SRGAP1: variants seen among roughly 807,000 people sequenced by gnomAD.
SRGAP1 encodes SLIT-ROBO Rho GTPase-activating protein 1.
A neutral mutation model predicts 121.9 loss-of-function variants in SRGAP1; 43 were observed. The observed-to-expected ratio is 0.35, with a 90% CI of 0.28 to 0.46. The LOEUF is 0.46. SRGAP1 is among the 20% of genes least tolerant of loss of function. The pLI, the probability that SRGAP1 is intolerant of heterozygous loss-of-function variation, is 1.00. For missense variants in SRGAP1, 1,102 were observed against 1,350.9 expected (o/e 0.82, Z 2.89); for synonymous variants, 447 against 485.4 (o/e 0.92, Z 1.04).
intron 1 of SRGAP1, among the ~76,000 whole-genome samples, chr12:63,927,097 G>A (rs1322696578): frequency 2.0e-5 from 3 of 152,052 alleles, no homozygotes; most frequent in African/African-American, 7.3e-5. Context: ...TTATAGTAAT[G>A]GAGGGAGTCA....
At chr12:63,954,654 G>A (rs2032402638) in intron 1 of SRGAP1, among the ~76,000 whole-genome samples, 1 of 132,644 alleles carries the variant, frequency 7.5e-6, no homozygotes, top group East Asian at 2.1e-4. Context: ...CTCCAGCCTG[G>A]GGGACAGAGC....
chr12:63,854,473 T>G (rs767325762), intron 1 of SRGAP1, among the ~76,000 whole-genome samples: 5 of 152,162 alleles, frequency 3.3e-5, no homozygotes, highest in Non-Finnish European at 5.9e-5. Context: ...AAAGTAATCT[T>G]GGGGAGGGAA....
At chr12:63,966,816 C>T (rs565691127) in intron 1 of SRGAP1, among the ~76,000 whole-genome samples, 110 of 152,278 alleles carry the variant, frequency 7.2e-4, no homozygotes, top group African/African-American at 2.6e-3. Flanking sequence ...TAAATCGGCT[C>T]CCCTTCTGTA....
intron 1 of SRGAP1, among the ~76,000 whole-genome samples, chr12:63,940,162 A>G (rs1370054763): frequency 6.6e-6 from 1 of 151,822 alleles, no homozygotes; most frequent in Admixed American, 6.6e-5. Flanking sequence ...GGGTTTCACC[A>G]TGTTGGCCAG....
intron 4 of SRGAP1, among the ~76,000 whole-genome samples, chr12:64,020,783 C>G (rs2034524717): frequency 7.2e-6 from 1 of 138,408 alleles, no homozygotes; most frequent in African/African-American, 2.8e-5. Context: ...GTGGGGATTG[C>G]AGTGAGCCAA....
At chr12:64,032,078 C>G (rs887816524) in intron 4 of SRGAP1, among the ~76,000 whole-genome samples, 2 of 152,136 alleles carry the variant, frequency 1.3e-5, no homozygotes, top group African/African-American at 4.8e-5. Context: ...GTTCTTTGTC[C>G]CATGGCCATG....
intron 1 of SRGAP1, among the ~76,000 whole-genome samples, chr12:63,980,379 A>G (rs12824123): frequency 6.6e-6 from 1 of 152,210 alleles, no homozygotes; most frequent in African/African-American, 2.4e-5. Flanking sequence ...AGCAGCAGAC[A>G]CAAATTTATG....
chr12:64,047,581 A>G (rs1040895611), intron 6 of SRGAP1, among the ~76,000 whole-genome samples: 9 of 152,216 alleles, frequency 5.9e-5, no homozygotes, highest in African/African-American at 2.2e-4. Flanking sequence ...ATCTTGATAA[A>G]TTCAAAGCAT....
chr12:63,995,972 T>C (rs2033688096), intron 3 of SRGAP1, among the ~76,000 whole-genome samples: 1 of 150,992 alleles, frequency 6.6e-6, no homozygotes, highest in African/African-American at 2.4e-5. Context: ...TAGTAGAAGT[T>C]AATAAAAGAT....
Position 63,861,422 on chromosome 12 carries a change from C to T in SRGAP1, c.67+16539C>T, listed in dbSNP as rs1899448266. ...TCAAGCGATTCTCATACCTCAACCT[C>T]TGGAGTAGCTAGGATTATAGGCACC... On this transcript the variant is annotated intron_variant, in intron 1 of 21. Coordinates refer to ENST00000355086, the MANE Select transcript of SRGAP1 (RefSeq NM_020762.4). Among the ~76,000 whole-genome samples the T allele has an allele frequency of 2.0e-5, 3 of 151,446 alleles. No homozygotes were observed. The South Asian group carries it at 6.2e-4, about 31-fold the overall frequency.
At chr12:64,010,718 A>C (rs547589948) in intron 3 of SRGAP1, among the ~76,000 whole-genome samples, 2 of 152,188 alleles carry the variant, frequency 1.3e-5, no homozygotes, top group South Asian at 4.1e-4. Flanking sequence ...GCAACATTTC[A>C]AGTGTGTAAT....
At chr12:63,886,765 C>A (rs1012698204) in intron 1 of SRGAP1, among the ~76,000 whole-genome samples, 4 of 152,092 alleles carry the variant, frequency 2.6e-5, no homozygotes, top group Non-Finnish European at 4.4e-5. Context: ...GACACCACGT[C>A]TGGCCAAAAC....
chr12:64,095,200 G>A lies in SRGAP1; in HGVS notation c.1674G>A (p.Glu558=). ...TCAATGATATTAAAAATTCATTTGAGAGAGGTAATTGCACGTCTATCCCTA... is the reference window on the plus strand; with the variant it reads ...TCAATGATATTAAAAATTCATTTGAAAGAGGTAATTGCACGTCTATCCCTA... The part of the protein sequence containing the change: ...VEVNDIKNSF[E]RGENPLADDQ... Residue 558 remains glutamate (E), a synonymous_variant, in exon 14 of 22, where the codon GAG becomes GAA. Coordinates refer to ENST00000355086, the MANE Select transcript of SRGAP1 (RefSeq NM_020762.4). 6.2e-7 allele frequency: 1 copy of A among 1,613,774 alleles called. No homozygotes were observed. The highest frequency in any genetic ancestry group is 8.5e-7 in the Non-Finnish European group (1 of 1,179,896).
intron 1 of SRGAP1, among the ~76,000 whole-genome samples, chr12:63,926,521 C>CT (rs1334226478): frequency 9.1e-4 from 138 of 151,960 alleles, no homozygotes; most frequent in African/African-American, 3.2e-3. Flanking sequence ...CTCAAGTCTT[C>CT]TTTTTGTTTG....
At chr12:63,878,079 T>G (rs1029628110) in intron 1 of SRGAP1, among the ~76,000 whole-genome samples, 2 of 152,242 alleles carry the variant, frequency 1.3e-5, no homozygotes, top group African/African-American at 4.8e-5. Context: ...CAAGTCAGGC[T>G]CTCTTTATCT....
At chr12:64,068,938 A>C (rs1382795712) in intron 8 of SRGAP1, among the ~76,000 whole-genome samples, 1 of 150,992 alleles carries the variant, frequency 6.6e-6, no homozygotes, top group African/African-American at 2.4e-5. Flanking sequence ...TGAACCCAGG[A>C]GGCGGAGGTT....
chr12:64,087,069 C>T (rs779533965), intron 11 of SRGAP1, 43 bp downstream of exon 11: 1 of 1,448,266 alleles, frequency 6.9e-7, no homozygotes, highest in Non-Finnish European at 9.5e-7. Flanking sequence ...ATTTTACTTT[C>T]TCTTTAACAA....
At chr12:63,857,165 C>T (rs1355756933) in intron 1 of SRGAP1, among the ~76,000 whole-genome samples, 4 of 151,766 alleles carry the variant, frequency 2.6e-5, no homozygotes, top group Admixed American at 6.6e-5. Context: ...CTGCAACCTC[C>T]GCCTCCTGGG....
At chr12:64,063,290 C>T in intron 7 of SRGAP1, 152 bp downstream of exon 7, 1 of 737,920 alleles carries the variant, frequency 1.4e-6, no homozygotes, top group Non-Finnish European at 2.2e-6. Flanking sequence ...TTAGTCGCTA[C>T]CGCCTTTTAA....
Sources: gnomAD v4.1 joint callset for allele counts (sites outside exome capture counted in the v4.1 genomes callset) on GRCh38, gnomAD v4.1.1 for gene constraint, MANE v1.5 for transcripts, NCBI Gene and HGNC (gene_info 2026-07-23, HGNC 2026-07-21) for gene names.